Variants in PDE4D observed in about 807,000 individuals in gnomAD.
The protein encoded by PDE4D is phosphodiesterase 4D.
PDE4D carries 24 observed loss-of-function variants against 87.4 expected under a neutral mutation model. That is an observed-to-expected ratio of 0.27 (90% CI 0.20 to 0.39). The LOEUF is 0.39. PDE4D is among the 10% of genes least tolerant of loss of function. PDE4D has a pLI of 1.00. For missense variants in PDE4D, 714 were observed against 1,041.0 expected (o/e 0.69, Z 4.32); for synonymous variants, 384 against 383.2 (o/e 1.00, Z -0.02).
At chr5:59,164,360 C>A (rs144237515) in intron 5 of PDE4D, among the ~76,000 whole-genome samples, 1,740 of 152,292 alleles carry the variant, frequency 0.011, 28 homozygotes, top group African/African-American at 0.04. Flanking sequence ...ATGGAAGTAT[C>A]ACAGTACAGT....
intron 1 of PDE4D, among the ~76,000 whole-genome samples, chr5:59,834,557 G>A (rs1581329260): frequency 6.6e-6 from 1 of 151,946 alleles, no homozygotes; most frequent in South Asian, 2.1e-4. Context: ...GAGTAGAGAG[G>A]AACATGAATT....
intron 2 of PDE4D, among the ~76,000 whole-genome samples, chr5:59,991,507 T>C (rs1386794493): frequency 6.6e-6 from 1 of 152,098 alleles, no homozygotes; most frequent in Non-Finnish European, 1.5e-5. Context: ...CAACATAATA[T>C]ACAAATTTCT....
At chr5:60,023,898 T>A (rs1023146223) in intron 2 of PDE4D, among the ~76,000 whole-genome samples, 1 of 152,322 alleles carries the variant, frequency 6.6e-6, no homozygotes, top group East Asian at 1.9e-4. Flanking sequence ...ACCACAGATA[T>A]CACTAATAAT....
intron 1 of PDE4D, among the ~76,000 whole-genome samples, chr5:59,418,215 C>T (rs1047132305): frequency 3.0e-4 from 46 of 152,140 alleles, no homozygotes; most frequent in Non-Finnish European, 7.4e-5. Context: ...TCTTTAATAG[C>T]TCACCTTAGT....
At chr5:59,741,941 A>G (rs529527140) in intron 1 of PDE4D, among the ~76,000 whole-genome samples, 2 of 152,222 alleles carry the variant, frequency 1.3e-5, no homozygotes, top group African/African-American at 4.8e-5. Context: ...GTCTGGCCCT[A>G]CCTTCTCTGG....
intron 1 of PDE4D, among the ~76,000 whole-genome samples, chr5:59,315,662 C>T (rs565688804): frequency 2.0e-5 from 3 of 152,232 alleles, no homozygotes; most frequent in Admixed American, 6.5e-5. Flanking sequence ...TAGGCAACAA[C>T]TTTGCGATAA....
In PDE4D at chr5:60,087,272, C is replaced by CA. The variant is rs768826335; in HGVS notation, c.42+98284dup. 8.5e-5 allele frequency among the ~76,000 whole-genome samples: 13 copies of CA among 152,122 alleles called. No homozygotes were observed. In the East Asian group the frequency reaches 9.6e-4, roughly 11 times the overall value. On this transcript the variant is annotated intron_variant, in intron 2 of 16. Transcript: ENST00000502484. ...CTAAGGAATAAAGGCCTAACACCACCAAAAAAACCCCCACAATAATTGGAA... is the reference window on the plus strand; with the variant it reads ...CTAAGGAATAAAGGCCTAACACCACCAAAAAAAACCCCCACAATAATTGGAA...
At chr5:59,155,580 A>G (rs1255373899) in intron 5 of PDE4D, among the ~76,000 whole-genome samples, 52 of 152,200 alleles carry the variant, frequency 3.4e-4, no homozygotes, top group Admixed American at 3.3e-3. Context: ...AAGGATCAAT[A>G]AAGAGTTGGC....
chr5:59,092,171 T>G (rs933156696), intron 5 of PDE4D, among the ~76,000 whole-genome samples: 1 of 152,202 alleles, frequency 6.6e-6, no homozygotes, highest in Non-Finnish European at 1.5e-5. Context: ...CATGAATTCA[T>G]TTTCATAATT....
At chr5:59,022,690 A>C (rs899332054) in intron 6 of PDE4D, among the ~76,000 whole-genome samples, 7 of 152,136 alleles carry the variant, frequency 4.6e-5, no homozygotes, top group African/African-American at 1.7e-4. Context: ...TAGAGGGCAC[A>C]TGCTCCTCCT....
chr5:59,635,577 A>G (rs199599592), intron 1 of PDE4D, among the ~76,000 whole-genome samples: 6 of 152,178 alleles, frequency 3.9e-5, no homozygotes, highest in African/African-American at 1.4e-4. Flanking sequence ...ATGCAAGGCT[A>G]GTTCAACATA....
intron 1 of PDE4D, among the ~76,000 whole-genome samples, chr5:59,570,478 T>C (rs927101942): frequency 2.0e-5 from 3 of 152,146 alleles, no homozygotes; most frequent in Admixed American, 6.5e-5. Flanking sequence ...CACTTGTAAA[T>C]AGTGCAAACT....
chr5:60,437,119 A>C (rs1378629177), intron 1 of PDE4D, among the ~76,000 whole-genome samples: 1 of 152,084 alleles, frequency 6.6e-6, no homozygotes, highest in African/African-American at 2.4e-5. Flanking sequence ...CTTCAACAGA[A>C]TATCTACTCT....
At chr5:59,597,460 C>T (rs295977) in intron 1 of PDE4D, among the ~76,000 whole-genome samples, 2 of 151,870 alleles carry the variant, frequency 1.3e-5, no homozygotes, top group Non-Finnish European at 2.9e-5. Context: ...TTTTCTCGAA[C>T]CCCTTTTCAC....
chr5:60,219,437 C>T (rs1379409780), intron 1 of PDE4D, among the ~76,000 whole-genome samples: 1 of 152,136 alleles, frequency 6.6e-6, no homozygotes, highest in African/African-American at 2.4e-5. Flanking sequence ...TAATGTAGTT[C>T]ATTTTCCTCA....
At chr5:59,996,287 T>C (rs1465109351) in intron 2 of PDE4D, among the ~76,000 whole-genome samples, 1 of 152,198 alleles carries the variant, frequency 6.6e-6, no homozygotes, top group African/African-American at 2.4e-5. Flanking sequence ...ATGTGTTTTG[T>C]TTTATCACTT....
rs548690795 is a variant in PDE4D, at chr5:59,359,730, T to C, written c.456-143762A>G. 4.6e-5 allele frequency among the ~76,000 whole-genome samples: 7 copies of C among 152,334 alleles called. No homozygotes were observed. In the East Asian group the frequency reaches 1.3e-3, roughly 29 times the overall value. On this transcript the variant is annotated intron_variant, in intron 1 of 14. Coordinates refer to ENST00000340635, the MANE Select transcript of PDE4D (RefSeq NM_001104631.2). The stretch of plus-strand genomic sequence containing the variant: ...TATAAAAGAACAAAGAAGACATCTT[T>C]TGAACATTCTAATTACTGTCATTTA...
intron 1 of PDE4D, among the ~76,000 whole-genome samples, chr5:60,502,695 C>T (rs921455256): frequency 2.6e-5 from 4 of 152,142 alleles, no homozygotes; most frequent in Non-Finnish European, 5.9e-5. Flanking sequence ...ATTGCCAAAA[C>T]AGCAGTGTCA....
chr5:59,021,640 C>T (rs1328344607), intron 6 of PDE4D, among the ~76,000 whole-genome samples: 1 of 152,084 alleles, frequency 6.6e-6, no homozygotes, highest in Non-Finnish European at 1.5e-5. Context: ...TCCTGATTTA[C>T]AGGGAAAACA....
Sources: allele counts gnomAD v4.1 joint callset (sites outside exome capture counted in the v4.1 genomes callset), GRCh38; gene constraint gnomAD v4.1.1; transcripts MANE v1.5; gene names NCBI Gene and HGNC (gene_info 2026-07-23, HGNC 2026-07-21).